PABPC4L: variants seen among roughly 807,000 people sequenced by gnomAD.
PABPC4L encodes the protein polyadenylate-binding protein 4-like.
For synonymous variants in PABPC4L, 169 were observed against 164.1 expected (o/e 1.03, Z -0.23); for missense variants, 452 against 451.4 (o/e 1.00, Z -0.01).
chr4:133,983,242 G>A, the PABPC4L span, among the ~76,000 whole-genome samples: 1 of 152,098 alleles, frequency 6.6e-6, no homozygotes, highest in East Asian at 1.9e-4. Flanking sequence ...GTTACCTTCA[G>A]TAAGTAACTT....
the PABPC4L span, among the ~76,000 whole-genome samples, chr4:134,163,631 AC>A: frequency 1.3e-5 from 2 of 152,180 alleles, no homozygotes; most frequent in Admixed American, 6.5e-5. Flanking sequence ...ATCCAACAGC[AC>A]ATAAAAAAGA....
chr4:134,108,534 C>T, the PABPC4L span, among the ~76,000 whole-genome samples: 3 of 151,882 alleles, frequency 2.0e-5, no homozygotes, highest in Non-Finnish European at 4.4e-5. Context: ...GAATCCACAA[C>T]TGATATTTAT....
At chr4:134,190,683 G>A in the PABPC4L span, among the ~76,000 whole-genome samples, 2 of 151,976 alleles carry the variant, frequency 1.3e-5, no homozygotes, top group Non-Finnish European at 2.9e-5. Flanking sequence ...ACAGAGTCTC[G>A]CTCTGTCACC....
the PABPC4L span, among the ~76,000 whole-genome samples, chr4:134,091,504 A>G: frequency 9.2e-5 from 14 of 151,932 alleles, no homozygotes; most frequent in Admixed American, 9.2e-4. Flanking sequence ...AAATAGATCT[A>G]TTTCCAGTAT....
the PABPC4L span, among the ~76,000 whole-genome samples, chr4:134,068,204 C>T: frequency 6.6e-6 from 1 of 152,132 alleles, no homozygotes; most frequent in African/African-American, 2.4e-5. Flanking sequence ...CTCAGTGCTC[C>T]TATATGCTGG....
At chr4:134,022,326 G>C in the PABPC4L span, among the ~76,000 whole-genome samples, 2 of 152,014 alleles carry the variant, frequency 1.3e-5, no homozygotes, top group Non-Finnish European at 2.9e-5. Flanking sequence ...GCCGCATTCA[G>C]TTTTGATAAC....
At chr4:134,006,041 T>A in the PABPC4L span, among the ~76,000 whole-genome samples, 10 of 151,912 alleles carry the variant, frequency 6.6e-5, no homozygotes, top group African/African-American at 9.7e-5. Context: ...GTAATATGTA[T>A]GTGAAATATA....
chr4:134,180,934 C>T, the PABPC4L span, among the ~76,000 whole-genome samples: 2 of 151,752 alleles, frequency 1.3e-5, no homozygotes, highest in African/African-American at 4.8e-5. Context: ...AATCCATAAC[C>T]CACTTCTACG....
chr4:134,084,709 G>A, the PABPC4L span, among the ~76,000 whole-genome samples: 1 of 152,070 alleles, frequency 6.6e-6, no homozygotes, highest in South Asian at 2.1e-4. Context: ...CAGAGAAAGG[G>A]AAGAAGACTG....
the PABPC4L span, among the ~76,000 whole-genome samples, chr4:134,128,080 C>A: frequency 6.6e-6 from 1 of 151,940 alleles, no homozygotes; most frequent in African/African-American, 2.4e-5. Context: ...AGAGGTAAAG[C>A]TTTTGAATGA....
the PABPC4L span, among the ~76,000 whole-genome samples, chr4:134,150,524 T>C: frequency 3.9e-5 from 6 of 152,196 alleles, no homozygotes; most frequent in East Asian, 1.2e-3. Context: ...TTGCAGGTAA[T>C]TTTGATAGAG....
chr4:134,063,871 TC>T, the PABPC4L span, among the ~76,000 whole-genome samples: 1 of 152,052 alleles, frequency 6.6e-6, no homozygotes, highest in Non-Finnish European at 1.5e-5. Flanking sequence ...TCTCTGACAA[TC>T]TTTTCCTTAT....
the PABPC4L span, among the ~76,000 whole-genome samples, chr4:134,073,049 T>C: frequency 6.6e-6 from 1 of 152,158 alleles, no homozygotes; most frequent in African/African-American, 2.4e-5. Flanking sequence ...CCAAATCTCA[T>C]GTCCTCACAT....
Position 134,201,104 on chromosome 4 carries a change from C to G in PABPC4L, c.-85G>C, listed in dbSNP as rs547272623. On this transcript the variant is annotated 5_prime_UTR_variant, in exon 2 of 2. Coordinates refer to ENST00000421491, the MANE Select transcript of PABPC4L (RefSeq NM_001114734.2). ...GGGATACTAGGTCACAGCTTTGGCC[C>G]GGTTCAAGTGTGGAGGCCTCGGGAT... 39 of 1,550,712 alleles carry G rather than the reference C, an allele frequency of 2.5e-5. No homozygotes were observed. Among genetic ancestry groups the G allele is most frequent in the Non-Finnish European group, 3.3e-5 (38 of 1,146,858 alleles).
downstream of PABPC4L, among the ~76,000 whole-genome samples, chr4:134,191,503 C>T (rs1203245445): frequency 6.6e-6 from 1 of 151,770 alleles, no homozygotes; most frequent in African/African-American, 2.4e-5. Flanking sequence ...TGCTCACCAA[C>T]CACAATGGAA....
the PABPC4L span, among the ~76,000 whole-genome samples, chr4:134,099,125 A>C: frequency 1.3e-5 from 2 of 151,722 alleles, no homozygotes; most frequent in Non-Finnish European, 3.0e-5. Flanking sequence ...TTTACTCTTC[A>C]AATGGGAGTT....
the PABPC4L span, among the ~76,000 whole-genome samples, chr4:133,953,975 G>GC: frequency 6.6e-6 from 1 of 152,186 alleles, no homozygotes; most frequent in East Asian, 1.9e-4. Context: ...CTTGTTAAAG[G>GC]CACACTCACA....
chr4:134,019,836 A>G, the PABPC4L span, among the ~76,000 whole-genome samples: 1 of 152,098 alleles, frequency 6.6e-6, no homozygotes, highest in Non-Finnish European at 1.5e-5. Flanking sequence ...CCCAAGATTG[A>G]TGAAAGAGAC....
the PABPC4L span, among the ~76,000 whole-genome samples, chr4:134,132,229 T>C: frequency 6.6e-6 from 1 of 151,694 alleles, no homozygotes; most frequent in Admixed American, 6.6e-5. Context: ...TAAATTAACC[T>C]CAAAAGATTC....
Sources: allele counts gnomAD v4.1 joint callset (sites outside exome capture counted in the v4.1 genomes callset), GRCh38; gene constraint gnomAD v4.1.1; transcripts MANE v1.5; gene names NCBI Gene and HGNC (gene_info 2026-07-23, HGNC 2026-07-21).